The following RALGAPB variants were observed in gnomAD, a reference collection of about 807,000 sequenced individuals.
RALGAPB encodes the protein ral GTPase-activating protein subunit beta.
Under a neutral mutation model 161.1 loss-of-function variants are expected in RALGAPB, and 25 were observed. The ratio of observed to expected loss-of-function variants is 0.16; its 90% CI spans 0.11 to 0.22. The LOEUF (loss-of-function observed/expected upper bound fraction) is 0.22. RALGAPB is among the 10% of genes least tolerant of loss of function. The probability of loss-of-function intolerance (pLI) is 1.00; values close to 1 mark genes in which losing one functional copy is unlikely to be tolerated. For synonymous variants in RALGAPB, 629 were observed against 626.1 expected, an observed-to-expected ratio of 1.00 and a Z score of -0.07; for missense variants, 1,391 against 1,815.2, an observed-to-expected ratio of 0.77 and a Z score of 4.25.
At chr20:38,475,761 CCCA>C (rs1181388794) in intron 1 of RALGAPB, among the ~76,000 whole-genome samples, 1 of 151,852 alleles carries the variant, frequency 6.6e-6, no homozygotes, top group Non-Finnish European at 1.5e-5. Context: ...ACTACAGGCA[CCCA>C]CCACCACACC....
At position 38,547,034 on chromosome 20, in the gene RALGAPB, G is replaced by A. The variant is rs1201092831; in HGVS notation, c.2902+604G>A. 3 of 152,226 alleles carry A rather than the reference G, an allele frequency of 2.0e-5. No individual in the cohort carries two copies. The East Asian group carries it at 5.8e-4, about 29-fold the overall frequency. 9.4% of individuals were successfully genotyped at this position (152,226 alleles called of 1,614,324 possible). On this transcript the variant is annotated intron_variant, in intron 19 of 29. Transcript: ENST00000262879. ...AAACCCCTTGCCAGTTCTAACATGTGTTTTCCCTACTTTCATCCTACTTGC... is the reference window on the plus strand; with the variant it reads ...AAACCCCTTGCCAGTTCTAACATGTATTTTCCCTACTTTCATCCTACTTGC...
At chr20:38,514,160 C>G (rs571602778) in intron 6 of RALGAPB, among the ~76,000 whole-genome samples, 1 of 152,330 alleles carries the variant, frequency 6.6e-6, no homozygotes, top group South Asian at 2.1e-4. Context: ...AAGCAGCGAA[C>G]AACCCTTTCT....
chr20:38,552,044 T>C (rs894748719), intron 21 of RALGAPB, among the ~76,000 whole-genome samples: 1 of 151,704 alleles, frequency 6.6e-6, no homozygotes, highest in Non-Finnish European at 1.5e-5. Context: ...GGACAGGCAG[T>C]GAATAGAAAC....
intron 3 of RALGAPB, among the ~76,000 whole-genome samples, chr20:38,493,619 TATC>T (rs2122898191): frequency 6.6e-6 from 1 of 152,326 alleles, no homozygotes; most frequent in South Asian, 2.1e-4. Context: ...GGGCCTTAAA[TATC>T]ATAATATAGG....
chr20:38,532,891 T>C (rs781378082), intron 15 of RALGAPB, 32 bp downstream of exon 15: 12 of 1,598,514 alleles, frequency 7.5e-6, no homozygotes, highest in Non-Finnish European at 9.4e-6. Flanking sequence ...ATTCAAAGTT[T>C]AATAGAATGA....
chr20:38,512,293 G>A (rs2085984787), intron 6 of RALGAPB, among the ~76,000 whole-genome samples: 1 of 152,210 alleles, frequency 6.6e-6, no homozygotes, highest in Non-Finnish European at 1.5e-5. Context: ...AATAAGAAGT[G>A]TCTCTTTTCT....
chr20:38,531,273 G>GAATTTCATGTAAATT, intron 14 of RALGAPB, 42 bp downstream of exon 14: 2 of 1,464,876 alleles, frequency 1.4e-6, no homozygotes, highest in Non-Finnish European at 1.9e-6. Context: ...TATCACTTTT[G>GAATTTCATGTAAATT]AATTTCATGT....
chr20:38,523,246 G>C (rs11699660), intron 10 of RALGAPB, among the ~76,000 whole-genome samples: 97,355 of 152,166 alleles, frequency 0.64, 35,983 homozygotes, highest in East Asian at 0.91. Flanking sequence ...TAGACTCCTG[G>C]GAAGGAGGAT....
chr20:38,557,632 C>T (rs2087632978), intron 22 of RALGAPB, among the ~76,000 whole-genome samples: 2 of 152,178 alleles, frequency 1.3e-5, no homozygotes, highest in South Asian at 4.1e-4. Context: ...TCCTGTCACA[C>T]TGGCTTTTTT....
At chr20:38,553,632 T>C (rs944015508) in intron 21 of RALGAPB, among the ~76,000 whole-genome samples, 4 of 152,094 alleles carry the variant, frequency 2.6e-5, no homozygotes, top group South Asian at 4.1e-4. Flanking sequence ...TGCTTGTAGC[T>C]TTATTTTCAT....
rs777362405 is a variant in RALGAPB at position 38,524,882 on chromosome 20, T to C, written c.1724T>C (p.Leu575Ser). ...LNSPPLFCCD[L>S]KGIDVVVPYF... ...TCTCCTCCTTTGTTCTGCTGTGACT[T>C]GAAAGGGATTGATGTTGTGGTTCCT... Residue 575 changes from leucine to serine, a missense_variant, in exon 11 of 30, where the codon TTG becomes TCG. Leu to Ser is a moderately radical substitution (Grantham distance 145, BLOSUM62 -2). This residue lies in a region of RALGAPB where 946 missense variants were observed against 1,257.2 expected (regional missense o/e 0.75). Coordinates refer to ENST00000262879, the MANE Select transcript of RALGAPB (RefSeq NM_020336.4). The C allele has an allele frequency of 6.2e-7, 1 of 1,610,886 alleles. No individual in the cohort carries two copies.
intron 1 of RALGAPB, among the ~76,000 whole-genome samples, chr20:38,483,816 A>G (rs999749971): frequency 6.6e-6 from 1 of 152,292 alleles, no homozygotes; most frequent in East Asian, 1.9e-4. Flanking sequence ...TCCTGAAAGT[A>G]ACGTTCTCCA....
chr20:38,552,456 G>A (rs1264303668), intron 21 of RALGAPB, among the ~76,000 whole-genome samples: 2 of 152,118 alleles, frequency 1.3e-5, no homozygotes, highest in East Asian at 1.9e-4. Context: ...GAAAAGGCTA[G>A]TTTTTAAATA....
At chr20:38,498,206 C>T (rs1190700271) in intron 4 of RALGAPB, among the ~76,000 whole-genome samples, 2 of 152,174 alleles carry the variant, frequency 1.3e-5, no homozygotes, top group Non-Finnish European at 2.9e-5. Flanking sequence ...ATGAAACCTC[C>T]AAAGTCTTTT....
At chr20:38,513,051 C>T (rs1051919108) in intron 6 of RALGAPB, among the ~76,000 whole-genome samples, 4 of 152,096 alleles carry the variant, frequency 2.6e-5, no homozygotes, top group East Asian at 1.9e-4. Context: ...TGAGCCACCA[C>T]GCCCGGCCAG....
rs186136556 is a variant in RALGAPB, at chr20:38,479,430, A to G, written c.-31+6361A>G. On this transcript the variant is annotated intron_variant, in intron 1 of 29. Transcript: ENST00000262879. The stretch of plus-strand genomic sequence containing the variant: ...CAATTGATGTAATTAATGTCAGGCT[A>G]TGGTCTTAGAGTGTCCACCATTGTA... 8.9e-4 allele frequency among the ~76,000 whole-genome samples: 136 copies of G among 152,344 alleles called. 1 individual carries two copies. The highest frequency in any genetic ancestry group is 1.6e-3 in the Non-Finnish European group (107 of 68,028).
In RALGAPB at chr20:38,562,594, C is replaced by T; in HGVS notation, c.3594C>T (p.Ser1198=). 1 of 1,613,672 alleles carries T rather than the reference C, an allele frequency of 6.2e-7. No homozygotes were observed. Among genetic ancestry groups the T allele is most frequent in the Non-Finnish European group, 8.5e-7 (1 of 1,179,724 alleles). Residue 1198 remains serine (S), a synonymous_variant, in exon 24 of 30, where the codon TCC becomes TCT. Transcript: ENST00000262879. ...CACATTTCCTAGAATTTTTGCTTTC[C>T]CTTGGCTGGTCAGTAGATGTGGGCA... ...VQPHFLEFLL[S]LGWSVDVGRH... is the part of the protein sequence containing the mutation.
chr20:38,506,803 C>T, intron 5 of RALGAPB, among the ~76,000 whole-genome samples: 1 of 152,076 alleles, frequency 6.6e-6, no homozygotes, highest in East Asian at 1.9e-4. Flanking sequence ...GGAACAAAAA[C>T]TTTATAGGTA....
At chr20:38,508,006 G>A (rs1042737885) in intron 5 of RALGAPB, among the ~76,000 whole-genome samples, 21 of 151,570 alleles carry the variant, frequency 1.4e-4, no homozygotes, top group Admixed American at 1.3e-3. Context: ...TATTTTTATG[G>A]TATGTCATAA....
Sources: allele counts gnomAD v4.1 joint callset (sites outside exome capture counted in the v4.1 genomes callset), GRCh38; gene constraint gnomAD v4.1.1; regional missense constraint gnomAD v4.1.1; transcripts MANE v1.5; gene names NCBI Gene and HGNC (gene_info 2026-07-23, HGNC 2026-07-21).